TUSC3: variants seen among roughly 807,000 people sequenced by gnomAD.
The protein encoded by TUSC3 is tumor suppressor candidate 3, also known as dolichyl-diphosphooligosaccharide--protein glycosyltransferase subunit TUSC3.
Under a neutral mutation model 44.8 loss-of-function variants are expected in TUSC3, and 45 were observed. That is an observed-to-expected ratio of 1.00 (90% CI 0.79 to 1.29). The LOEUF is 1.29. Ranked by LOEUF, TUSC3 falls within the 50% of genes most tolerant of loss-of-function variation. TUSC3 has a pLI of 0.00. For synonymous variants in TUSC3, 212 were observed against 152.9 expected (o/e 1.39, Z -2.85); for missense variants, 519 against 437.9 (o/e 1.19, Z -1.65).
intron 1 of TUSC3, among the ~76,000 whole-genome samples, chr8:15,457,865 AAATTAATTAGATAATTACTAATT>A (rs1489601265): frequency 7.1e-5 from 4 of 56,280 alleles, no homozygotes; most frequent in Admixed American, 4.2e-4. Context: ...ATTATCTAAT[AAATTAATTAGATAATTACTAATT>A]AATTAATTAG....
rs141997974 is a variant in TUSC3 at position 15,553,811 on chromosome 8, G to A, written c.138+13243G>A. ...ATGAAAATAAAGAATGTTATGTCAGGTGACTGAGAAGGTAGGAGGAAGGAA... is the reference window on the plus strand; with the variant it reads ...ATGAAAATAAAGAATGTTATGTCAGATGACTGAGAAGGTAGGAGGAAGGAA... On this transcript the variant is annotated intron_variant, in intron 1 of 10. Transcript: ENST00000503731. 1.6e-3 allele frequency among the ~76,000 whole-genome samples: 239 copies of A among 151,842 alleles called. 1 individual carries two copies. Among genetic ancestry groups the A allele is most frequent in the Middle Eastern group, 6.8e-3 (2 of 292 alleles).
intron 1 of TUSC3, among the ~76,000 whole-genome samples, chr8:15,450,455 G>A (rs1390185543): frequency 6.6e-6 from 1 of 152,236 alleles, no homozygotes; most frequent in Non-Finnish European, 1.5e-5. Flanking sequence ...GGAGACCAAG[G>A]CAGGCAGATC....
At chr8:15,778,450 T>A in the TUSC3 span, among the ~76,000 whole-genome samples, 1 of 152,274 alleles carries the variant, frequency 6.6e-6, no homozygotes, top group African/African-American at 2.4e-5. Flanking sequence ...CAAGCCTGAC[T>A]CACAGAAGAA....
intron 1 of TUSC3, among the ~76,000 whole-genome samples, chr8:15,616,129 A>T (rs1159377672): frequency 6.6e-6 from 1 of 152,244 alleles, no homozygotes; most frequent in Non-Finnish European, 1.5e-5. Flanking sequence ...TGGTATAGGA[A>T]TAGGTTCAGA....
intron 6 of TUSC3, among the ~76,000 whole-genome samples, chr8:15,718,641 G>A (rs185036184): frequency 8.3e-4 from 127 of 152,108 alleles, no homozygotes; most frequent in Middle Eastern, 3.4e-3. Context: ...ATAATGTCAT[G>A]TATTTTTCTT....
At chr8:15,793,302 C>A in the TUSC3 span, among the ~76,000 whole-genome samples, 9 of 152,118 alleles carry the variant, frequency 5.9e-5, no homozygotes, top group African/African-American at 2.2e-4. Flanking sequence ...AACTACAAGA[C>A]TCGACATGAT....
At chr8:15,575,448 G>C (rs1364845638) in intron 1 of TUSC3, among the ~76,000 whole-genome samples, 1 of 152,072 alleles carries the variant, frequency 6.6e-6, no homozygotes, top group East Asian at 1.9e-4. Flanking sequence ...CATTGTAAGA[G>C]GATAATATAT....
chr8:15,784,161 T>C, the TUSC3 span, among the ~76,000 whole-genome samples: 1 of 152,036 alleles, frequency 6.6e-6, no homozygotes, highest in Admixed American at 6.6e-5. Context: ...CTCACAACCA[T>C]TAGATTGCCT....
At chr8:15,605,631 C>T (rs1442818458) in intron 1 of TUSC3, among the ~76,000 whole-genome samples, 4 of 151,786 alleles carry the variant, frequency 2.6e-5, no homozygotes, top group Non-Finnish European at 4.4e-5. Context: ...AGAAAAAAGT[C>T]TGTCAAGAGG....
intron 1 of TUSC3, among the ~76,000 whole-genome samples, chr8:15,468,888 A>G (rs1375103282): frequency 6.6e-6 from 1 of 152,032 alleles, no homozygotes; most frequent in Non-Finnish European, 1.5e-5. Flanking sequence ...ATAAAAAGGA[A>G]TAATCTGAGT....
At chr8:15,540,594 C>T (rs972312274) in intron 1 of TUSC3, 26 bp downstream of exon 1, 3 of 1,528,644 alleles carry the variant, frequency 2.0e-6, no homozygotes, top group South Asian at 2.4e-5. Context: ...TTGGCCTTCC[C>T]CTGTGGGCGG....
At chr8:15,550,736 G>A (rs190258014) in intron 1 of TUSC3, among the ~76,000 whole-genome samples, 1 of 151,274 alleles carries the variant, frequency 6.6e-6, no homozygotes, top group African/African-American at 2.4e-5. Context: ...CAGTGGCATG[G>A]TCTCATCTCA....
the TUSC3 span, among the ~76,000 whole-genome samples, chr8:15,788,757 A>G: frequency 6.6e-6 from 1 of 152,092 alleles, no homozygotes; most frequent in Non-Finnish European, 1.5e-5. Flanking sequence ...GTAGGTTCTC[A>G]GGAAACAGGG....
chr8:15,755,789 G>T (rs574952430), intron 9 of TUSC3, among the ~76,000 whole-genome samples: 1 of 152,168 alleles, frequency 6.6e-6, no homozygotes, highest in African/African-American at 2.4e-5. Flanking sequence ...TATGATTTCA[G>T]TAGTAGCAAT....
At chr8:15,809,052 G>C in the TUSC3 span, among the ~76,000 whole-genome samples, 1 of 152,118 alleles carries the variant, frequency 6.6e-6, no homozygotes, top group Non-Finnish European at 1.5e-5. Context: ...GGGAGGAAAA[G>C]CACGTTTATT....
At chr8:15,645,352 A>T (rs149874964) in intron 2 of TUSC3, among the ~76,000 whole-genome samples, 1 of 152,062 alleles carries the variant, frequency 6.6e-6, no homozygotes, top group African/African-American at 2.4e-5. Flanking sequence ...TACTGTTTCT[A>T]TTACCTTACT....
chr8:15,609,124 G>C (rs1039313638), intron 1 of TUSC3, among the ~76,000 whole-genome samples: 1 of 152,120 alleles, frequency 6.6e-6, no homozygotes, highest in Admixed American at 6.6e-5. Context: ...TGATTTGTGT[G>C]AATCAAGAAT....
In TUSC3 at chr8:15,764,163, G is replaced by A. The variant is rs374596934; in HGVS notation, c.*47-40G>A. ...AACAAACATATTGTATTTTCCTTAT[G>A]TTCTATGTTCAGCACATAATAATTT... is the stretch of plus-strand genomic sequence containing the variant. On this transcript the variant is annotated intron_variant, in intron 10 of 10. Coordinates refer to ENST00000503731, the MANE Select transcript of TUSC3 (RefSeq NM_006765.4). The A allele has an allele frequency of 1.1e-5, 17 of 1,549,160 alleles. No homozygotes were observed. In the South Asian group the frequency reaches 1.7e-4, roughly 15 times the overall value.
At chr8:15,847,406 T>C in the TUSC3 span, among the ~76,000 whole-genome samples, 1 of 152,174 alleles carries the variant, frequency 6.6e-6, no homozygotes, top group Non-Finnish European at 1.5e-5. Context: ...GCAAAATCTC[T>C]CATTCACTCG....
Sources: allele counts gnomAD v4.1 joint callset (sites outside exome capture counted in the v4.1 genomes callset), GRCh38; gene constraint gnomAD v4.1.1; transcripts MANE v1.5; gene names NCBI Gene and HGNC (gene_info 2026-07-23, HGNC 2026-07-21).